NOL4L: variants seen among roughly 807,000 people sequenced by gnomAD.
The protein encoded by NOL4L is nucleolar protein 4 like.
A neutral mutation model predicts 64.5 loss-of-function variants in NOL4L; 7 were observed. That is an observed-to-expected ratio of 0.11 (90% CI 0.06 to 0.20). The LOEUF (loss-of-function observed/expected upper bound fraction) is 0.20. Ranked by LOEUF, NOL4L falls within the 10% of genes least tolerant of loss-of-function variation. The pLI, the probability that NOL4L is intolerant of heterozygous loss-of-function variation, is 1.00. For synonymous variants in NOL4L, 413 were observed against 401.0 expected, an observed-to-expected ratio of 1.03 and a Z score of -0.36; for missense variants, 680 against 967.1, an observed-to-expected ratio of 0.70 and a Z score of 3.94.
intron 1 of NOL4L, among the ~76,000 whole-genome samples, chr20:32,569,831 C>T (rs992031367): frequency 1.3e-5 from 2 of 152,174 alleles, no homozygotes; most frequent in African/African-American, 4.8e-5. Context: ...AGAGTAGGTG[C>T]TCTGGCAATC....
At chr20:32,461,226 G>A (rs550273430) in intron 5 of NOL4L, among the ~76,000 whole-genome samples, 2 of 152,056 alleles carry the variant, frequency 1.3e-5, no homozygotes, top group African/African-American at 2.4e-5. Context: ...CCCTTCCAGC[G>A]AGCCCCTATG....
At chr20:32,544,074 G>A (rs749182239) in intron 1 of NOL4L, among the ~76,000 whole-genome samples, 1 of 152,116 alleles carries the variant, frequency 6.6e-6, no homozygotes, top group African/African-American at 2.4e-5. Flanking sequence ...CTGTATTCAC[G>A]TGAAACAGGC....
intron 1 of NOL4L, among the ~76,000 whole-genome samples, chr20:32,583,535 A>C (rs1339729259): frequency 6.9e-6 from 1 of 143,892 alleles, no homozygotes; most frequent in East Asian, 2.2e-4. Flanking sequence ...GGGAGGGAGC[A>C]AGGAGGGCGG....
intron 1 of NOL4L, among the ~76,000 whole-genome samples, chr20:32,551,593 A>G (rs983886036): frequency 8.5e-5 from 13 of 152,268 alleles, no homozygotes; most frequent in Middle Eastern, 3.4e-3. Context: ...CACTTATAGG[A>G]AATGTCCAGA....
chr20:32,546,731 G>T lies in NOL4L; in HGVS notation c.322-18818C>A, dbSNP rs1433091815. ...TTACAGGTGTGAGCCACTGCGCCCG[G>T]CAAGGCTGTAATTCTAATTCCCTTC... is the stretch of plus-strand genomic sequence containing the variant. On this transcript the variant is annotated intron_variant, in intron 1 of 10. Coordinates refer to ENST00000621426, the MANE Select transcript of NOL4L (RefSeq NM_001256798.2). Among the ~76,000 whole-genome samples, 3 of 152,304 alleles carry T rather than the reference G, an allele frequency of 2.0e-5. No individual in the cohort carries two copies. In the East Asian group the frequency reaches 5.8e-4, roughly 29 times the overall value.
At chr20:32,573,044 T>C (rs938794805) in intron 1 of NOL4L, among the ~76,000 whole-genome samples, 3 of 151,520 alleles carry the variant, frequency 2.0e-5, no homozygotes, top group South Asian at 2.1e-4. Flanking sequence ...CTTTTCTTTT[T>C]TTTTTTTTTT....
rs771327184 is a variant in NOL4L, at chr20:32,494,283, C to CA, written c.699+17063dup. ...AAAAAAAAAAAAAAAAAAAAAAAAA[C>CA]ACACAACACACACACACACACAAAC... is the stretch of plus-strand genomic sequence containing the variant. On this transcript the variant is annotated intron_variant, in intron 4 of 10. Coordinates refer to ENST00000621426, the MANE Select transcript of NOL4L (RefSeq NM_001256798.2). Among the ~76,000 whole-genome samples the CA allele has an allele frequency of 7.4e-5, 5 of 67,184 alleles. No individual in the cohort carries two copies. The South Asian group carries it at 2.0e-3, about 27-fold the overall frequency. The allele number at this position is 67,184 out of a possible 152,430, so 44.1% of individuals were successfully genotyped here. A position where few individuals can be genotyped will look rare whatever the true frequency, so the allele number is the denominator to read the frequency against.
At chr20:32,523,817 T>C (rs890481388) in intron 2 of NOL4L, among the ~76,000 whole-genome samples, 4 of 152,068 alleles carry the variant, frequency 2.6e-5, no homozygotes, top group South Asian at 4.2e-4. Context: ...TTCCTGGTGG[T>C]AAAAAACAGG....
At chr20:32,572,942 A>C (rs1272025594) in intron 1 of NOL4L, among the ~76,000 whole-genome samples, 1 of 152,080 alleles carries the variant, frequency 6.6e-6, no homozygotes, top group Admixed American at 6.5e-5. Context: ...ATAAGCAGAG[A>C]GCAGTTCTTG....
intron 1 of NOL4L, among the ~76,000 whole-genome samples, chr20:32,554,948 A>G (rs544674610): frequency 6.6e-5 from 10 of 152,344 alleles, no homozygotes; most frequent in Admixed American, 2.0e-4. Flanking sequence ...TGTTTCCCCA[A>G]TGAGGAAACC....
At chr20:32,490,172 T>A (rs939786126) in intron 4 of NOL4L, among the ~76,000 whole-genome samples, 58 of 148,902 alleles carry the variant, frequency 3.9e-4, no homozygotes, top group Non-Finnish European at 1.0e-4. Context: ...TATATGTATA[T>A]ACACACATTA....
In NOL4L at chr20:32,553,019, C is replaced by T. The variant is rs139772359; in HGVS notation, c.322-25106G>A. On this transcript the variant is annotated intron_variant, in intron 1 of 10. Transcript: ENST00000621426. ...GTGGCTCTGAGAGCATAGGAGATCC[C>T]CTGAGGAATCCTACTTTACAGTGTG... 3.0e-3 allele frequency among the ~76,000 whole-genome samples: 461 copies of T among 152,238 alleles called. 2 individuals are homozygous for T. Among genetic ancestry groups the T allele is most frequent in the African/African-American group, 0.01 (433 of 41,540 alleles).
chr20:32,503,898 T>A (rs779088712), intron 4 of NOL4L, among the ~76,000 whole-genome samples: 12 of 152,222 alleles, frequency 7.9e-5, no homozygotes, highest in Non-Finnish European at 1.2e-4. Context: ...CCCTCTTTTT[T>A]AATTTTCCTT....
intron 3 of NOL4L, among the ~76,000 whole-genome samples, chr20:32,514,421 G>A (rs530636154): frequency 7.2e-5 from 11 of 152,248 alleles, no homozygotes; most frequent in African/African-American, 2.4e-4. Context: ...GAACCCGGGA[G>A]GTGGAGGTTG....
chr20:32,525,443 T>C (rs2018098771), intron 2 of NOL4L, among the ~76,000 whole-genome samples: 1 of 152,240 alleles, frequency 6.6e-6, no homozygotes, highest in South Asian at 2.1e-4. Context: ...GTCAGCTGAC[T>C]GACCTCAGGC....
intron 4 of NOL4L, among the ~76,000 whole-genome samples, chr20:32,496,696 G>T (rs2016702026): frequency 6.6e-6 from 1 of 151,972 alleles, no homozygotes; most frequent in Admixed American, 6.6e-5. Context: ...AACTACAGGT[G>T]CCTGCCACCA....
At chr20:32,472,508 GATGGGAGCCCCTTGACTCACTC>G (rs2015097361) in intron 5 of NOL4L, among the ~76,000 whole-genome samples, 1 of 152,186 alleles carries the variant, frequency 6.6e-6, no homozygotes, top group Non-Finnish European at 1.5e-5. Context: ...AGAGTGCTCT[GATGGGAGCCCCTTGACTCACTC>G]ATGGGAGCTG....
rs114886484 is a variant in NOL4L, at chr20:32,559,826, T to C, written c.321+24744A>G. ...CCCAGGCGTGGGCATCCCTCTCGCC[T>C]GAGTGGGCCAAGCTGTCCCAAGGGA... On this transcript the variant is annotated intron_variant, in intron 1 of 10. Coordinates refer to ENST00000621426, the MANE Select transcript of NOL4L (RefSeq NM_001256798.2). Among the ~76,000 whole-genome samples the C allele has an allele frequency of 2.4e-3, 371 of 152,300 alleles. 2 individuals are homozygous for C. Among genetic ancestry groups the C allele is most frequent in the African/African-American group, 8.6e-3 (359 of 41,572 alleles).
At chr20:32,508,065 CTT>C (rs1436269460) in intron 4 of NOL4L, among the ~76,000 whole-genome samples, 1 of 152,168 alleles carries the variant, frequency 6.6e-6, no homozygotes, top group Non-Finnish European at 1.5e-5. Flanking sequence ...TTACCGGTTA[CTT>C]TAGAATTGGA....
Sources: allele counts gnomAD v4.1 joint callset (sites outside exome capture counted in the v4.1 genomes callset), GRCh38; gene constraint gnomAD v4.1.1; transcripts MANE v1.5; gene names NCBI Gene and HGNC (gene_info 2026-07-23, HGNC 2026-07-21).